The following LRP1B variants were observed in gnomAD, a reference collection of about 807,000 sequenced individuals.
LRP1B encodes LDL receptor related protein 1B.
Under a neutral mutation model 556.6 loss-of-function variants are expected in LRP1B, and 217 were observed. That is an observed-to-expected ratio of 0.39 (90% confidence interval 0.35 to 0.44). The LOEUF (loss-of-function observed/expected upper bound fraction) is 0.44, where lower values mean the gene tolerates loss of function less well. Among genes scored for constraint, LRP1B ranks in the 20% least tolerant of loss-of-function variants. The pLI is 1.00. For synonymous variants in LRP1B, 2,047 were observed against 1,865.8 expected, an observed-to-expected ratio of 1.10 and a Z score of -2.50; for missense variants, 5,053 against 5,620.8, an observed-to-expected ratio of 0.90 and a Z score of 3.23.
At chr2:142,010,478 C>G (rs1702923355) in intron 1 of LRP1B, among the ~76,000 whole-genome samples, 1 of 147,388 alleles carries the variant, frequency 6.8e-6, no homozygotes, top group African/African-American at 2.5e-5. Context: ...TGGCGTGAAC[C>G]CGGGAGGCGG....
chr2:141,167,460 G>T (rs990163828), intron 7 of LRP1B: 1 of 151,722 alleles, frequency 6.6e-6, no homozygotes, highest in Non-Finnish European at 1.5e-5. Context: ...TTCATTAATT[G>T]CACATAATAA....
intron 1 of LRP1B, among the ~76,000 whole-genome samples, chr2:141,925,377 T>G (rs183354242): frequency 2.0e-4 from 30 of 152,188 alleles, no homozygotes; most frequent in African/African-American, 7.2e-4. Context: ...AATGAAGAGT[T>G]TGATACATCA....
In LRP1B at chr2:140,312,216, A is replaced by C. The variant is rs1684332901; in HGVS notation, c.12805+2719T>G. ...ATCCCAAATTGCACTTTCACTTCTT[A>C]ACCTAGCTAGCTGTGCTTTTGCATA... is the stretch of plus-strand genomic sequence containing the variant. On this transcript the variant is annotated intron_variant, in intron 83 of 90. Transcript: ENST00000389484. 3.9e-5 allele frequency among the ~76,000 whole-genome samples: 6 copies of C among 152,078 alleles called. No homozygotes were observed. In the South Asian group the frequency reaches 1.2e-3, roughly 32 times the overall value.
intron 31 of LRP1B, among the ~76,000 whole-genome samples, chr2:140,817,706 T>C (rs997699938): frequency 6.6e-6 from 1 of 152,102 alleles, no homozygotes; most frequent in African/African-American, 2.4e-5. Context: ...GACTAGGCAG[T>C]TCATTTTATG....
intron 51 of LRP1B, among the ~76,000 whole-genome samples, chr2:140,511,318 T>TC (rs1689644323): frequency 6.8e-6 from 1 of 146,478 alleles, no homozygotes; most frequent in Non-Finnish European, 1.5e-5. Context: ...TTTTTTTTTT[T>TC]TGAGACGGAG....
At chr2:142,126,783 C>T (rs749536731) in intron 1 of LRP1B, among the ~76,000 whole-genome samples, 6 of 151,672 alleles carry the variant, frequency 4.0e-5, no homozygotes, top group Non-Finnish European at 8.9e-5. Flanking sequence ...AAACTGGATC[C>T]ATATATAGAA....
intron 11 of LRP1B, among the ~76,000 whole-genome samples, chr2:141,040,679 T>C (rs1698671419): frequency 6.6e-6 from 1 of 151,898 alleles, no homozygotes; most frequent in South Asian, 2.1e-4. Context: ...TTCTAAGTAA[T>C]CGAATGATAA....
chr2:140,775,279 C>T (rs1205016451), intron 33 of LRP1B, among the ~76,000 whole-genome samples: 1 of 151,816 alleles, frequency 6.6e-6, no homozygotes, highest in African/African-American at 2.4e-5. Flanking sequence ...TAGCAATCCC[C>T]TTGGTTTTCT....
intron 83 of LRP1B, among the ~76,000 whole-genome samples, chr2:140,302,605 T>C (rs1201614171): frequency 6.6e-6 from 1 of 152,118 alleles, no homozygotes; most frequent in African/African-American, 2.4e-5. Flanking sequence ...GTGGAGGAGA[T>C]TGGCATTGGA....
chr2:140,613,346 AATATAAATAATTATATAAATATAAATAT>A (rs1383284556), intron 41 of LRP1B, among the ~76,000 whole-genome samples: 6 of 91,934 alleles, frequency 6.5e-5, no homozygotes, highest in African/African-American at 2.0e-4. Flanking sequence ...TATACATATA[AATATAAATAATTATATAAATATAAATAT>A]ATATAATTAT....
intron 1 of LRP1B, among the ~76,000 whole-genome samples, chr2:141,812,942 A>G (rs1175442377): frequency 6.6e-6 from 1 of 152,158 alleles, no homozygotes; most frequent in East Asian, 1.9e-4. Context: ...GATAGAAAAA[A>G]AAAAGACTGG....
intron 2 of LRP1B, among the ~76,000 whole-genome samples, chr2:141,632,869 CAAAA>C (rs55807294): frequency 2.6e-4 from 35 of 133,176 alleles, no homozygotes; most frequent in Non-Finnish European, 2.7e-4. Context: ...CTACAAGAAC[CAAAA>C]AAAAAAAAAA....
At chr2:141,056,776 G>A (rs1442227971) in intron 9 of LRP1B, among the ~76,000 whole-genome samples, 3 of 151,700 alleles carry the variant, frequency 2.0e-5, no homozygotes, top group East Asian at 2.0e-4. Flanking sequence ...CTCCCAAATT[G>A]GTATCTCAAG....
At chr2:141,963,171 A>G (rs902411472) in intron 1 of LRP1B, among the ~76,000 whole-genome samples, 1 of 151,850 alleles carries the variant, frequency 6.6e-6, no homozygotes, top group African/African-American at 2.4e-5. Flanking sequence ...GACATGTAAA[A>G]TATAATTTGA....
intron 1 of LRP1B, among the ~76,000 whole-genome samples, chr2:141,826,367 T>TG (rs1696924203): frequency 7.0e-6 from 1 of 143,136 alleles, no homozygotes; most frequent in South Asian, 2.3e-4. Flanking sequence ...TTTTTTTTTT[T>TG]TTTTTTTTTT....
intron 2 of LRP1B, among the ~76,000 whole-genome samples, chr2:141,492,245 C>A (rs1326960981): frequency 6.6e-6 from 1 of 151,902 alleles, no homozygotes; most frequent in Non-Finnish European, 1.5e-5. Flanking sequence ...CAAATGAGCT[C>A]ATTTCTATAA....
intron 66 of LRP1B, among the ~76,000 whole-genome samples, chr2:140,405,268 G>T (rs537031777): frequency 6.6e-6 from 1 of 152,284 alleles, no homozygotes; most frequent in South Asian, 2.1e-4. Flanking sequence ...AAGTCTGAAA[G>T]AGCACAAATT....
At chr2:141,578,703 G>A (rs926924413) in intron 2 of LRP1B, among the ~76,000 whole-genome samples, 2 of 152,152 alleles carry the variant, frequency 1.3e-5, no homozygotes, top group Non-Finnish European at 2.9e-5. Context: ...GTTGACTGAT[G>A]CAATTTTAGA....
chr2:140,394,356 G>A (rs1432409292), intron 66 of LRP1B, among the ~76,000 whole-genome samples: 1 of 152,096 alleles, frequency 6.6e-6, no homozygotes, highest in Non-Finnish European at 1.5e-5. Context: ...ATTTACTGCT[G>A]AAATGTGATC....
Sources: gnomAD v4.1 joint callset for allele counts (sites outside exome capture counted in the v4.1 genomes callset) on GRCh38, gnomAD v4.1.1 for gene constraint, MANE v1.5 for transcripts, NCBI Gene and HGNC (gene_info 2026-07-23, HGNC 2026-07-21) for gene names.